Variants in COL5A1 observed in about 807,000 individuals in gnomAD.
The protein encoded by COL5A1 is collagen type V alpha 1 chain, also known as collagen alpha-1(V) chain.
A neutral mutation model predicts 263.7 loss-of-function variants in COL5A1; 16 were observed. The observed-to-expected ratio is 0.06, with a 90% CI of 0.04 to 0.09. The LOEUF (loss-of-function observed/expected upper bound fraction) is 0.09, where lower values mean the gene tolerates loss of function less well. Among genes scored for constraint, COL5A1 ranks in the 10% least tolerant of loss-of-function variants. COL5A1 has a pLI of 1.00. For missense variants in COL5A1, 2,036 were observed against 2,540.5 expected (o/e 0.80, Z 4.27); for synonymous variants, 1,012 against 1,004.5 (o/e 1.01, Z -0.14).
intron 62 of COL5A1, 125 bp from the exon 63 acceptor site, chr9:134,825,667 T>G: frequency 1.5e-6 from 1 of 665,108 alleles, no homozygotes; most frequent in Non-Finnish European, 2.8e-6. Flanking sequence ...GAAAGGCCCG[T>G]GTTGGCGGCA....
intron 36 of COL5A1, among the ~76,000 whole-genome samples, chr9:134,797,436 C>T (rs1837952471): frequency 2.0e-5 from 3 of 152,186 alleles, no homozygotes; most frequent in Admixed American, 2.0e-4. Context: ...GCCACTGCCC[C>T]CATCTTCACG....
intron 2 of COL5A1, among the ~76,000 whole-genome samples, chr9:134,697,517 A>T (rs557492419): frequency 3.3e-5 from 5 of 151,984 alleles, no homozygotes; most frequent in Non-Finnish European, 7.4e-5. Context: ...TGGGGTGGGG[A>T]CGGGAGCCAG....
At chr9:134,736,444 G>A (rs565984013) in intron 9 of COL5A1, among the ~76,000 whole-genome samples, 17 of 152,294 alleles carry the variant, frequency 1.1e-4, no homozygotes, top group South Asian at 4.1e-4. Flanking sequence ...TAACGAGCCC[G>A]CTCCCATCGT....
Position 134,650,493 on chromosome 9 carries a change from G to A in COL5A1, c.109+8197G>A, listed in dbSNP as rs73556950. Among the ~76,000 whole-genome samples the A allele has an allele frequency of 1.1e-4, 16 of 152,372 alleles. No homozygotes were observed. In the South Asian group the frequency reaches 1.2e-3, roughly 12 times the overall value. The stretch of plus-strand genomic sequence containing the variant: ...ACCTGTGCGGGGGGCACAGGTGAGC[G>A]ATAGGCGAGCCGTCTGTGCCCTACT... On this transcript the variant is annotated intron_variant, in intron 1 of 65. Transcript: ENST00000371817.
At chr9:134,721,276 C>T (rs1377282095) in intron 4 of COL5A1, among the ~76,000 whole-genome samples, 6 of 150,758 alleles carry the variant, frequency 4.0e-5, no homozygotes. Flanking sequence ...CATGGGACCC[C>T]CATCCAGGGC....
chr9:134,822,733 C>A (rs1839066596), intron 59 of COL5A1, among the ~76,000 whole-genome samples: 1 of 147,482 alleles, frequency 6.8e-6, no homozygotes, highest in African/African-American at 2.5e-5. Flanking sequence ...CCCCCCGCGG[C>A]TGTCTGAGCT....
chr9:134,722,243 G>A (rs940774321), intron 4 of COL5A1, among the ~76,000 whole-genome samples: 17 of 152,238 alleles, frequency 1.1e-4, no homozygotes, highest in African/African-American at 4.1e-4. Context: ...GTCTGGGGGT[G>A]TGGTGGGCAG....
rs535363331 is a variant in COL5A1, at chr9:134,731,601, A to G, written c.1270A>G (p.Thr424Ala). Residue 424 changes from threonine to alanine, a missense_variant, in exon 8 of 66, where the codon ACC (threonine) becomes GCC (alanine). Physicochemically the swap from Thr to Ala is moderately conservative, Grantham distance 58. This residue lies in a region of COL5A1 where 600 missense variants were observed against 634.5 expected (regional missense o/e 0.95). Transcript: ENST00000371817. ...ENYYDPYYDP[T>A]SSPSEIGPGM... is the part of the protein sequence containing the mutation. The stretch of plus-strand genomic sequence containing the variant: ...CTACTACGACCCCTACTACGACCCC[A>G]CCAGCTCCCCGTCGGAGATCGGGCC... 6.2e-6 allele frequency: 10 copies of G among 1,614,132 alleles called. No individual in the cohort carries two copies. In the East Asian group the frequency reaches 2.2e-4, roughly 36 times the overall value.
intron 28 of COL5A1, among the ~76,000 whole-genome samples, chr9:134,780,410 GA>G (rs1158977794): frequency 6.6e-6 from 1 of 152,234 alleles, no homozygotes; most frequent in African/African-American, 2.4e-5. Flanking sequence ...TCTGCACAAG[GA>G]GAAGGCCTTG....
In COL5A1 at chr9:134,842,045, G is replaced by A; in HGVS notation, c.5371-112G>A. The stretch of plus-strand genomic sequence containing the variant: ...CGGGCAAGCGCAGCCCTGGGTAGGA[G>A]ACAGGACACCAGCCTGGGTTTTGGA... On this transcript the variant is annotated intron_variant, in intron 65 of 65. Coordinates refer to ENST00000371817, the MANE Select transcript of COL5A1 (RefSeq NM_000093.5). The surrounding 1 kb of genome is among the most constrained non-coding windows in gnomAD (Gnocchi z 5.8). 1 of 1,272,692 alleles carries A rather than the reference G, an allele frequency of 7.9e-7. No homozygotes were observed. The highest frequency in any genetic ancestry group is 1.1e-6 in the Non-Finnish European group (1 of 882,568). The allele number at this position is 1,272,692 out of a possible 1,614,324, so 78.8% of individuals were successfully genotyped here.
intron 9 of COL5A1, among the ~76,000 whole-genome samples, chr9:134,737,300 TCCAGAGCTGAG>T (rs1343692078): frequency 6.6e-6 from 1 of 152,128 alleles, no homozygotes; most frequent in Non-Finnish European, 1.5e-5. Flanking sequence ...ACCCACACCC[TCCAGAGCTGAG>T]CCAGAGCTGC....
chr9:134,643,559 G>A (rs932717658), intron 1 of COL5A1, among the ~76,000 whole-genome samples: 2 of 152,200 alleles, frequency 1.3e-5, no homozygotes, highest in African/African-American at 4.8e-5. Context: ...GGGTGTGGGG[G>A]CTGCCCTGGG....
rs1332966990 is a variant in COL5A1 at position 134,681,039 on chromosome 9, C to T, written c.110-9873C>T. Among the ~76,000 whole-genome samples the T allele has an allele frequency of 6.6e-6, 1 of 152,196 alleles. No homozygotes were observed. Among genetic ancestry groups the T allele is most frequent in the Non-Finnish European group, 1.5e-5 (1 of 68,026 alleles). ...AGGCCCTCTGTGCATTTCCCACCCC[C>T]TGCCCCTTTGCTTTGCTCCCTGGTT... On this transcript the variant is annotated intron_variant, in intron 1 of 65. Coordinates refer to ENST00000371817, the MANE Select transcript of COL5A1 (RefSeq NM_000093.5). This position sits in a 1 kb window ranked among gnomAD's most constrained non-coding sequence, Gnocchi z 4.3.
At chr9:134,735,449 TTTGAGAG>T (rs1331855859) in intron 9 of COL5A1, among the ~76,000 whole-genome samples, 1 of 152,156 alleles carries the variant, frequency 6.6e-6, no homozygotes, top group African/African-American at 2.4e-5. Flanking sequence ...CTGGGTCAAT[TTTGAGAG>T]TGGCGTCCGT....
intron 4 of COL5A1, among the ~76,000 whole-genome samples, chr9:134,722,483 C>G (rs1012591889): frequency 2.6e-5 from 4 of 152,098 alleles, no homozygotes; most frequent in African/African-American, 7.2e-5. Flanking sequence ...CCCTGGGGTA[C>G]GGGGTTGTGC....
At chr9:134,759,209 C>G (rs750624266) in intron 18 of COL5A1, among the ~76,000 whole-genome samples, 2 of 147,220 alleles carry the variant, frequency 1.4e-5, no homozygotes, top group Non-Finnish European at 3.0e-5. Flanking sequence ...GCACACCCCC[C>G]ATGCACACAC....
intron 27 of COL5A1, among the ~76,000 whole-genome samples, chr9:134,775,204 C>T (rs559755460): frequency 9.2e-5 from 14 of 152,380 alleles, no homozygotes; most frequent in Admixed American, 7.8e-4. Flanking sequence ...GGACGGGACA[C>T]GTCCTTTTGC....
At chr9:134,708,587 C>A (rs1344322590) in intron 4 of COL5A1, 3 of 518,736 alleles carry the variant, frequency 5.8e-6, no homozygotes, top group Non-Finnish European at 1.2e-5. Flanking sequence ...CAGCCCAGAC[C>A]CCACCCTGGC....
chr9:134,800,508 G>C (rs1164294212), intron 37 of COL5A1, among the ~76,000 whole-genome samples: 2 of 152,206 alleles, frequency 1.3e-5, no homozygotes, highest in African/African-American at 2.4e-5. Context: ...ACTTTGGGAG[G>C]CCGAGATGGG....
Sources: allele counts gnomAD v4.1 joint callset (sites outside exome capture counted in the v4.1 genomes callset), GRCh38; gene constraint gnomAD v4.1.1; regional missense constraint gnomAD v4.1.1; non-coding constraint Gnocchi (gnomAD v3.1); transcripts MANE v1.5; gene names NCBI Gene and HGNC (gene_info 2026-07-23, HGNC 2026-07-21).